TBCD: variants seen among roughly 807,000 people sequenced by gnomAD.
TBCD encodes tubulin-specific chaperone D.
A neutral mutation model predicts 169.3 loss-of-function variants in TBCD; 105 were observed. The ratio of observed to expected loss-of-function variants is 0.62; its 90% CI spans 0.53 to 0.73. The LOEUF is 0.73. TBCD is among the 30% of genes least tolerant of loss of function. TBCD has a pLI of 0.00. For synonymous variants in TBCD, 700 were observed against 643.9 expected, an observed-to-expected ratio of 1.09 and a Z score of -1.32; for missense variants, 1,444 against 1,600.1, an observed-to-expected ratio of 0.90 and a Z score of 1.66.
intron 22 of TBCD, among the ~76,000 whole-genome samples, chr17:82,910,868 T>C (rs2060591982): frequency 6.6e-6 from 1 of 152,224 alleles, no homozygotes; most frequent in Non-Finnish European, 1.5e-5. Flanking sequence ...CCCAGCCTCC[T>C]AGTGGCTTTT....
chr17:82,783,380 C>A (rs1180287215), intron 7 of TBCD, among the ~76,000 whole-genome samples: 1 of 152,222 alleles, frequency 6.6e-6, no homozygotes, highest in African/African-American at 2.4e-5. Context: ...AGATATAATT[C>A]ACATACCACA....
chr17:82,830,881 GAAGAAGCC>G, intron 13 of TBCD: 1 of 1,612,706 alleles, frequency 6.2e-7, no homozygotes, highest in South Asian at 1.1e-5. Flanking sequence ...ATTGAGGCTA[GAAGAAGCC>G]AAGAAAAAGC....
intron 26 of TBCD, 35 bp from the exon 27 acceptor site, chr17:82,924,904 G>C (rs376193468): frequency 6.6e-7 from 1 of 1,521,220 alleles, no homozygotes. Flanking sequence ...ATGGGCAGCA[G>C]AGGGCCTCTC....
intron 23 of TBCD, among the ~76,000 whole-genome samples, chr17:82,916,692 C>T (rs918204506): frequency 2.8e-4 from 43 of 152,254 alleles, no homozygotes; most frequent in African/African-American, 9.4e-4. Context: ...TTTTAAGTTT[C>T]GCTGGCTTCT....
intron 6 of TBCD, among the ~76,000 whole-genome samples, chr17:82,780,135 CT>C (rs1314555160): frequency 6.6e-6 from 1 of 152,200 alleles, no homozygotes; most frequent in Non-Finnish European, 1.5e-5. Context: ...ACCATGTTGC[CT>C]TTGCAGTTCG....
In TBCD at chr17:82,925,012, C is replaced by T. The variant is rs1219213876; in HGVS notation, c.2334C>T (p.Ala778=). The T allele has an allele frequency of 1.9e-6, 3 of 1,570,632 alleles. No individual in the cohort carries two copies. In the South Asian group the frequency reaches 3.5e-5, roughly 18 times the overall value. ...EEMTRCGFSL[A]LGALPGFLLK... ...TGACTCGCTGTGGCTTCTCGTTGGC[C>T]TTGGGCGCCCTTCCAGGCTTCCTTC... Residue 778 remains alanine (A), a synonymous_variant, in exon 27 of 39, where the codon GCC becomes GCT. Coordinates refer to ENST00000355528, the MANE Select transcript of TBCD (RefSeq NM_005993.5).
chr17:82,830,747 T>G (rs1489615644), intron 13 of TBCD: 1 of 1,613,886 alleles, frequency 6.2e-7, no homozygotes, highest in Non-Finnish European at 8.5e-7. Flanking sequence ...GCTGCCAGGT[T>G]TATCTCTGAT....
intron 11 of TBCD, 92 bp from the exon 12 acceptor site, chr17:82,809,616 A>C (rs2051280102): frequency 6.7e-6 from 9 of 1,350,460 alleles, no homozygotes; most frequent in Non-Finnish European, 7.2e-6. Context: ...TCTGGAGGAA[A>C]GGATGGGTGT....
chr17:82,909,980 C>T (rs564177003), intron 22 of TBCD, among the ~76,000 whole-genome samples: 2 of 152,268 alleles, frequency 1.3e-5, no homozygotes, highest in African/African-American at 4.8e-5. Context: ...GGTTTCTTCC[C>T]CGACGTGTCT....
chr17:82,793,217 AT>A (rs1466495624), intron 7 of TBCD, among the ~76,000 whole-genome samples: 5 of 152,176 alleles, frequency 3.3e-5, no homozygotes, highest in Non-Finnish European at 4.4e-5. Flanking sequence ...ACTTCCGTCA[AT>A]GGCTTTTTTC....
chr17:82,888,681 C>T (rs1005846129), intron 15 of TBCD, among the ~76,000 whole-genome samples: 1 of 152,174 alleles, frequency 6.6e-6, no homozygotes, highest in African/African-American at 2.4e-5. Context: ...GGCGCGTCTG[C>T]TCCTTTTCCC....
At chr17:82,902,549 G>T (rs1444303590) in intron 18 of TBCD, among the ~76,000 whole-genome samples, 1 of 152,216 alleles carries the variant, frequency 6.6e-6, no homozygotes, top group East Asian at 1.9e-4. Flanking sequence ...GCCTCGAAGA[G>T]CTCTTTGTTT....
At chr17:82,756,101 T>A (rs1184156980) in intron 1 of TBCD, 64 bp from the exon 2 acceptor site, 2 of 1,460,282 alleles carry the variant, frequency 1.4e-6, no homozygotes, top group Admixed American at 3.9e-5. Flanking sequence ...AAAATGGGGT[T>A]TCTGAGGCTC....
rs1203006688 is a variant in TBCD, at chr17:82,936,031, T to C, written c.3192-1240T>C. On this transcript the variant is annotated intron_variant, in intron 34 of 38. Coordinates refer to ENST00000355528, the MANE Select transcript of TBCD (RefSeq NM_005993.5). Reference sequence around the variant, plus strand: ...CCCACTTCCTCCTTGCTTCTGTTGTTGCTTTTGAGTGTTACCTCTGAGTCT... The same window carrying C: ...CCCACTTCCTCCTTGCTTCTGTTGTCGCTTTTGAGTGTTACCTCTGAGTCT... Among the ~76,000 whole-genome samples, 5 of 152,270 alleles carry C rather than the reference T, an allele frequency of 3.3e-5. No homozygotes were observed. In the East Asian group the frequency reaches 9.6e-4, roughly 29 times the overall value.
intron 13 of TBCD, among the ~76,000 whole-genome samples, chr17:82,846,780 T>G (rs1313695855): frequency 6.6e-6 from 1 of 152,172 alleles, no homozygotes; most frequent in Non-Finnish European, 1.5e-5. Context: ...CCCTGTGTTT[T>G]GGGAAGTTGA....
intron 2 of TBCD, among the ~76,000 whole-genome samples, chr17:82,761,292 GT>G (rs1848924941): frequency 6.6e-6 from 1 of 152,020 alleles, no homozygotes; most frequent in Non-Finnish European, 1.5e-5. Flanking sequence ...TTCTTAGCAG[GT>G]AAATATTATA....
chr17:82,873,190 C>T (rs138120685), intron 14 of TBCD, among the ~76,000 whole-genome samples: 2 of 152,398 alleles, frequency 1.3e-5, no homozygotes, highest in Non-Finnish European at 2.9e-5. Context: ...AAAATCCTCA[C>T]GGATTTCCTT....
chr17:82,871,110 CG>C (rs2057524092), intron 14 of TBCD, among the ~76,000 whole-genome samples: 1 of 152,206 alleles, frequency 6.6e-6, no homozygotes, highest in South Asian at 2.1e-4. Flanking sequence ...AGAAGCTGTG[CG>C]GCCTGTGGCG....
chr17:82,836,977 G>A (rs937586713), intron 13 of TBCD, among the ~76,000 whole-genome samples: 6 of 152,152 alleles, frequency 3.9e-5, no homozygotes, highest in African/African-American at 1.4e-4. Flanking sequence ...GAAGGGAATT[G>A]GTGTCGATAT....
Sources: allele counts gnomAD v4.1 joint callset (sites outside exome capture counted in the v4.1 genomes callset), GRCh38; gene constraint gnomAD v4.1.1; transcripts MANE v1.5; gene names NCBI Gene and HGNC (gene_info 2026-07-23, HGNC 2026-07-21).